CLNS1A: variants seen among roughly 807,000 people sequenced by gnomAD.
CLNS1A encodes the protein methylosome subunit pICln.
CLNS1A carries 16 observed loss-of-function variants against 29.4 expected under a neutral mutation model. The observed-to-expected ratio is 0.54, with a 90% CI of 0.37 to 0.83. The LOEUF (loss-of-function observed/expected upper bound fraction) is 0.83, where lower values mean the gene tolerates loss of function less well. Among genes scored for constraint, CLNS1A ranks in the 40% least tolerant of loss-of-function variants. CLNS1A has a pLI of 0.00. For synonymous variants in CLNS1A, 96 were observed against 104.8 expected, an observed-to-expected ratio of 0.92 and a Z score of 0.51; for missense variants, 235 against 287.4, an observed-to-expected ratio of 0.82 and a Z score of 1.32.
At chr11:77,626,905 C>G (rs1216089394) in intron 2 of CLNS1A, among the ~76,000 whole-genome samples, 1 of 150,074 alleles carries the variant, frequency 6.7e-6, no homozygotes, top group Non-Finnish European at 1.5e-5. Flanking sequence ...CCGTGTTAGC[C>G]AGAATGGTCT....
chr11:77,614,750 G>T lies in CLNS1A; in HGVS notation c.*1968C>A, dbSNP rs941018244. 3 of 152,178 alleles carry T rather than the reference G, an allele frequency of 2.0e-5. No homozygotes were observed. The highest frequency in any genetic ancestry group is 6.6e-5 in the Admixed American group (1 of 15,266). The allele number at this position is 152,178 out of a possible 1,614,324, so 9.4% of individuals were successfully genotyped here. On this transcript the variant is annotated 3_prime_UTR_variant, in exon 7 of 7. Transcript: ENST00000525428. Reference sequence around the variant, plus strand: ...TTTAGATGACTTACATTTTGGAGGGGAAATGTCTATGTACCTTTAAAGTGT... The same window carrying T: ...TTTAGATGACTTACATTTTGGAGGGTAAATGTCTATGTACCTTTAAAGTGT...
chr11:77,627,851 C>T lies in CLNS1A; in HGVS notation c.262+1912G>A, dbSNP rs559883901. Among the ~76,000 whole-genome samples, 12 of 151,976 alleles carry T rather than the reference C, an allele frequency of 7.9e-5. No homozygotes were observed. The East Asian group carries it at 2.3e-3, about 29-fold the overall frequency. On this transcript the variant is annotated intron_variant, in intron 2 of 6. Transcript: ENST00000525428. ...CTTACTTTTTTTTCTTTTCTTCGAC[C>T]GTTTTGCTCTGTTGCCCAGGCTGGA...
intron 2 of CLNS1A, among the ~76,000 whole-genome samples, chr11:77,626,406 C>T (rs529489386): frequency 1.7e-4 from 26 of 152,096 alleles, no homozygotes; most frequent in Admixed American, 1.2e-3. Context: ...TTTGGGAGGC[C>T]GAGGTGGGCG....
intron 2 of CLNS1A, 102 bp from the exon 3 acceptor site, chr11:77,625,920 G>A (rs1364414044): frequency 5.0e-6 from 5 of 1,006,406 alleles, no homozygotes; most frequent in African/African-American, 1.6e-5. Context: ...TCCAATTATG[G>A]TTGACAAATT....
intron 6 of CLNS1A, among the ~76,000 whole-genome samples, chr11:77,619,080 G>C (rs1485450224): frequency 6.6e-6 from 1 of 152,144 alleles, no homozygotes; most frequent in East Asian, 1.9e-4. Context: ...ACTGGTTCTA[G>C]CTCTGTATGA....
chr11:77,634,805 T>C lies in CLNS1A; in HGVS notation c.125+2785A>G, dbSNP rs1959107832. 2.0e-5 allele frequency among the ~76,000 whole-genome samples: 3 copies of C among 152,250 alleles called. No individual in the cohort carries two copies. The South Asian group carries it at 6.2e-4, about 32-fold the overall frequency. On this transcript the variant is annotated intron_variant, in intron 1 of 6. Transcript: ENST00000525428. The stretch of plus-strand genomic sequence containing the variant: ...AAAGCTGAAACAAATAATGTTTAAT[T>C]TTTTTCAGAGACAAGGTTTCACTCT...
chr11:77,626,696 A>AT (rs34394062), intron 2 of CLNS1A, among the ~76,000 whole-genome samples: 206 of 143,144 alleles, frequency 1.4e-3, no homozygotes, highest in East Asian at 7.4e-3. Context: ...CCTGATGGTC[A>AT]TTTTTTTTTT....
intron 2 of CLNS1A, among the ~76,000 whole-genome samples, chr11:77,626,693 G>A (rs1959023140): frequency 7.2e-6 from 1 of 139,210 alleles, no homozygotes; most frequent in African/African-American, 2.6e-5. Flanking sequence ...GGTCCTGATG[G>A]TCATTTTTTT....
intron 2 of CLNS1A, among the ~76,000 whole-genome samples, chr11:77,626,566 G>A (rs1039827051): frequency 6.6e-6 from 1 of 151,932 alleles, no homozygotes; most frequent in Admixed American, 6.6e-5. Context: ...TTGAACCTGG[G>A]AGGTGGAGGT....
At chr11:77,622,203 A>G (rs772427495) in intron 5 of CLNS1A, among the ~76,000 whole-genome samples, 3 of 152,222 alleles carry the variant, frequency 2.0e-5, no homozygotes, top group Non-Finnish European at 2.9e-5. Context: ...ATGCAACAGT[A>G]AATTAATAGT....
intron 1 of CLNS1A, among the ~76,000 whole-genome samples, chr11:77,633,993 C>CGGGAGGGTGAGGCAAAAG (rs1439228829): frequency 1.3e-5 from 2 of 151,640 alleles, no homozygotes; most frequent in African/African-American, 4.8e-5. Flanking sequence ...CCCAGCTACT[C>CGGGAGGGTGAGGCAAAAG]GGGAGGGTGA....
chr11:77,637,255 A>G (rs1299967226), intron 1 of CLNS1A, among the ~76,000 whole-genome samples: 1 of 145,720 alleles, frequency 6.9e-6, no homozygotes, highest in African/African-American at 2.6e-5. Context: ...AAAAAAAAAA[A>G]AAAAGAAAAT....
chr11:77,616,584 T>C lies in CLNS1A; in HGVS notation c.*134A>G. 6.6e-6 allele frequency: 1 copy of C among 152,606 alleles called. No homozygotes were observed. Among genetic ancestry groups the C allele is most frequent in the East Asian group, 1.9e-4 (1 of 5,198 alleles). The allele number at this position is 152,606 out of a possible 1,614,324, so 9.5% of individuals were successfully genotyped here. A position where few individuals can be genotyped will look rare whatever the true frequency, so the allele number is the denominator to read the frequency against. ...CAACTTGTTGTCTCAGTATAGTCTG[T>C]CTCAAGAAAGAACTGGTTCAGGTTG... On this transcript the variant is annotated 3_prime_UTR_variant, in exon 7 of 7. Transcript: ENST00000525428.
chr11:77,632,748 A>C (rs1043401093), intron 1 of CLNS1A, among the ~76,000 whole-genome samples: 1 of 152,152 alleles, frequency 6.6e-6, no homozygotes, highest in African/African-American at 2.4e-5. Context: ...CTTACTTTCA[A>C]CAACTTATTT....
rs868318879 is a variant in CLNS1A at position 77,625,295 on chromosome 11, A to G, written c.365-225T>C. 1.1e-4 allele frequency: 59 copies of G among 528,132 alleles called. No individual in the cohort carries two copies. The Middle Eastern group carries it at 8.1e-3, about 72-fold the overall frequency. The allele number at this position is 528,132 out of a possible 1,614,324, so 32.7% of individuals were successfully genotyped here. A position where few individuals can be genotyped will look rare whatever the true frequency, so the allele number is the denominator to read the frequency against. On this transcript the variant is annotated intron_variant, in intron 3 of 6. Coordinates refer to ENST00000525428, the MANE Select transcript of CLNS1A (RefSeq NM_001293.3). The stretch of plus-strand genomic sequence containing the variant: ...TCATGGCTCGTGGGATTTTCCAAGA[A>G]AAAAGGGTCAGAGTCCTGGTAAGAC...
At position 77,622,619 on chromosome 11, in the gene CLNS1A, T is replaced by C. The variant is rs761676085; in HGVS notation, c.527A>G (p.His176Arg). The C allele has an allele frequency of 5.6e-6, 9 of 1,613,672 alleles. 1 individual carries two copies. The highest frequency in any genetic ancestry group is 8.5e-7 in the Non-Finnish European group (1 of 1,179,786). Residue 176 changes from histidine (H) to arginine (R), a missense_variant, in exon 5 of 7, where the codon CAT (histidine) becomes CGT (arginine). By Grantham distance (29) the His-to-Arg change is conservative. Transcript: ENST00000525428. ...TFYTYEEGLS[H>R]LTAEGQATLE... ...TGTGGCTTGGCCTTCTGCTGTTAGA[T>C]GGGATAATCCTTCTTCATAGGTGTA...
intron 2 of CLNS1A, among the ~76,000 whole-genome samples, chr11:77,626,458 G>A (rs953494061): frequency 1.3e-5 from 2 of 152,068 alleles, no homozygotes; most frequent in Non-Finnish European, 2.9e-5. Context: ...GGCCAATATG[G>A]TGAAACCCCG....
intron 2 of CLNS1A, among the ~76,000 whole-genome samples, chr11:77,628,641 T>A (rs1324719649): frequency 6.6e-6 from 1 of 152,234 alleles, no homozygotes; most frequent in African/African-American, 2.4e-5. Flanking sequence ...CACCTGAATA[T>A]AAATGATCAT....
chr11:77,637,380 G>A (rs1590807350), intron 1 of CLNS1A, among the ~76,000 whole-genome samples: 1 of 148,276 alleles, frequency 6.7e-6, no homozygotes, highest in Non-Finnish European at 1.5e-5. Flanking sequence ...GGGAAATTCC[G>A]GCCGGAGAAA....
Sources: gnomAD v4.1 joint callset for allele counts (sites outside exome capture counted in the v4.1 genomes callset) on GRCh38, gnomAD v4.1.1 for gene constraint, MANE v1.5 for transcripts, NCBI Gene and HGNC (gene_info 2026-07-23, HGNC 2026-07-21) for gene names.